The following RERE variants were observed in gnomAD, a reference collection of about 807,000 sequenced individuals.
The protein encoded by RERE is arginine-glutamic acid dipeptide repeats, also known as arginine-glutamic acid dipeptide repeats protein.
In RERE, 40 loss-of-function variants were observed where a neutral mutation model predicts 146.1. That is an observed-to-expected ratio of 0.27 (90% CI 0.21 to 0.36). RERE has a LOEUF of 0.36. RERE is among the 10% of genes least tolerant of loss of function. RERE has a pLI of 1.00. For synonymous variants in RERE, 1,003 were observed against 866.0 expected (o/e 1.16, Z -2.78); for missense variants, 1,933 against 2,138.7 (o/e 0.90, Z 1.90).
chr1:8,496,729 G>T (rs577443704), intron 9 of RERE, among the ~76,000 whole-genome samples: 1 of 152,122 alleles, frequency 6.6e-6, no homozygotes, highest in Admixed American at 6.6e-5. Flanking sequence ...TGCATCGAAG[G>T]CATTTGTATG....
chr1:8,430,384 C>T (rs992043582), intron 11 of RERE, among the ~76,000 whole-genome samples: 6 of 152,164 alleles, frequency 3.9e-5, no homozygotes, highest in Non-Finnish European at 7.4e-5. Context: ...AAACACTTTG[C>T]ACTTACTAGT....
At chr1:8,689,469 T>G (rs955773002) in intron 1 of RERE, among the ~76,000 whole-genome samples, 1 of 152,168 alleles carries the variant, frequency 6.6e-6, no homozygotes, top group Non-Finnish European at 1.5e-5. Context: ...AAGGATACAA[T>G]ATCACAAGTA....
intron 1 of RERE, among the ~76,000 whole-genome samples, chr1:8,775,519 G>A (rs967571327): frequency 9.2e-5 from 14 of 152,190 alleles, no homozygotes; most frequent in Admixed American, 5.2e-4. Flanking sequence ...AGAAGGTAGA[G>A]GCTGCAGTGA....
intron 1 of RERE, among the ~76,000 whole-genome samples, chr1:8,733,686 T>C (rs975181977): frequency 6.6e-6 from 1 of 152,218 alleles, no homozygotes; most frequent in African/African-American, 2.4e-5. Context: ...GACTGCAACC[T>C]GAGAAGGGAC....
At chr1:8,380,950 CTT>C (rs1557600146) in intron 12 of RERE, 1 of 456,718 alleles carries the variant, frequency 2.2e-6, no homozygotes, top group Admixed American at 2.3e-5. Flanking sequence ...TTCTTGAGTC[CTT>C]CCCTGGGTAA....
At chr1:8,624,552 G>A (rs1223695445) in intron 2 of RERE, among the ~76,000 whole-genome samples, 172 bp from the exon 3 acceptor site, 1 of 152,114 alleles carries the variant, frequency 6.6e-6, no homozygotes, top group Non-Finnish European at 1.5e-5. Flanking sequence ...AAGGAAAACT[G>A]CCCTTTGGTT....
chr1:8,613,697 A>G (rs1189501752), intron 4 of RERE, among the ~76,000 whole-genome samples: 1 of 152,192 alleles, frequency 6.6e-6, no homozygotes, highest in African/African-American at 2.4e-5. Context: ...TTCAGTATGA[A>G]CTGGGGCACC....
chr1:8,701,612 A>C (rs879451529), intron 1 of RERE, among the ~76,000 whole-genome samples: 16 of 152,172 alleles, frequency 1.1e-4, no homozygotes, highest in Non-Finnish European at 2.1e-4. Flanking sequence ...GGAGGGAAAA[A>C]GTGTAATCTT....
intron 10 of RERE, among the ~76,000 whole-genome samples, chr1:8,479,630 T>C (rs1408754135): frequency 1.3e-5 from 2 of 152,100 alleles, no homozygotes; most frequent in Admixed American, 6.6e-5. Context: ...CAGAGAAAGA[T>C]GGGGCCACAG....
At chr1:8,599,047 T>A (rs1482772066) in intron 4 of RERE, among the ~76,000 whole-genome samples, 1 of 152,200 alleles carries the variant, frequency 6.6e-6, no homozygotes, top group Non-Finnish European at 1.5e-5. Context: ...TGACAGGACC[T>A]CCTGCAGAAC....
intron 6 of RERE, among the ~76,000 whole-genome samples, chr1:8,542,134 A>AAC (rs1257445909): frequency 6.6e-6 from 1 of 152,068 alleles, no homozygotes; most frequent in Non-Finnish European, 1.5e-5. Context: ...TCCAAATCCA[A>AAC]ACACACACAC....
At chr1:8,642,171 A>C (rs1365559167) in intron 2 of RERE, among the ~76,000 whole-genome samples, 1 of 152,254 alleles carries the variant, frequency 6.6e-6, no homozygotes, top group Non-Finnish European at 1.5e-5. Context: ...GTAACACTTA[A>C]CAAGGATTTT....
intron 1 of RERE, among the ~76,000 whole-genome samples, chr1:8,746,441 A>C (rs1204167767): frequency 6.6e-6 from 1 of 152,132 alleles, no homozygotes; most frequent in Non-Finnish European, 1.5e-5. Flanking sequence ...AACCCTCCCC[A>C]TAACTTCTGC....
At chr1:8,572,691 AGG>A (rs1557692339) in intron 4 of RERE, among the ~76,000 whole-genome samples, 1 of 152,250 alleles carries the variant, frequency 6.6e-6, no homozygotes, top group East Asian at 1.9e-4. Context: ...TGGGAAAAAC[AGG>A]AAGTCCCAGT....
intron 11 of RERE, among the ~76,000 whole-genome samples, chr1:8,437,188 A>G (rs1011384087): frequency 2.0e-5 from 3 of 152,166 alleles, no homozygotes; most frequent in African/African-American, 7.2e-5. Context: ...CTCGACCAGC[A>G]CCAGGGCCTT....
chr1:8,785,428 C>T (rs969651093), intron 1 of RERE, among the ~76,000 whole-genome samples: 2 of 152,178 alleles, frequency 1.3e-5, no homozygotes, highest in African/African-American at 2.4e-5. Context: ...AATCAATGAC[C>T]ATTACAGAGG....
At chr1:8,651,048 G>C (rs901400762) in intron 2 of RERE, among the ~76,000 whole-genome samples, 35 of 152,106 alleles carry the variant, frequency 2.3e-4, no homozygotes, top group African/African-American at 8.4e-4. Context: ...AGTGAGTTGA[G>C]ATCTCACAAC....
chr1:8,708,262 C>A (rs908565079), intron 1 of RERE, among the ~76,000 whole-genome samples: 2 of 152,042 alleles, frequency 1.3e-5, no homozygotes, highest in Admixed American at 1.3e-4. Context: ...ATGCTGTTTT[C>A]GTCATAGTGG....
chr1:8,618,650 G>A (rs757624392), intron 3 of RERE, among the ~76,000 whole-genome samples: 76 of 152,324 alleles, frequency 5.0e-4, no homozygotes, highest in Non-Finnish European at 9.7e-4. Flanking sequence ...AGTCGATAAT[G>A]CGTAAGTCTG....
Sources: allele counts gnomAD v4.1 joint callset (sites outside exome capture counted in the v4.1 genomes callset), GRCh38; gene constraint gnomAD v4.1.1; transcripts MANE v1.5; gene names NCBI Gene and HGNC (gene_info 2026-07-23, HGNC 2026-07-21).